Variants in YIPF1 observed in about 807,000 individuals in gnomAD.
The protein encoded by YIPF1 is protein YIPF1.
YIPF1 carries 22 observed loss-of-function variants against 37.0 expected under a neutral mutation model. That is an observed-to-expected ratio of 0.59 (90% CI 0.42 to 0.85). YIPF1 has a LOEUF of 0.85. Ranked by LOEUF, YIPF1 falls within the 40% of genes least tolerant of loss-of-function variation. The pLI is 0.00. For synonymous variants in YIPF1, 128 were observed against 131.9 expected (o/e 0.97, Z 0.21); for missense variants, 355 against 373.1 (o/e 0.95, Z 0.40).
chr1:53,877,367 T>C (rs1650361278), intron 6 of YIPF1, among the ~76,000 whole-genome samples: 1 of 152,226 alleles, frequency 6.6e-6, no homozygotes, highest in African/African-American at 2.4e-5. Context: ...TATATATCAA[T>C]GATCCTCACT....
At position 53,858,625 on chromosome 1, in the gene YIPF1, G is replaced by A. The variant is rs537228835; in HGVS notation, c.*8+1431C>T. Among the ~76,000 whole-genome samples, 6 of 152,184 alleles carry A rather than the reference G, an allele frequency of 3.9e-5. No homozygotes were observed. In the South Asian group the frequency reaches 1.2e-3, roughly 32 times the overall value. On this transcript the variant is annotated intron_variant, in intron 10 of 10. Coordinates refer to ENST00000072644, the MANE Select transcript of YIPF1 (RefSeq NM_018982.5). ...CAAGGCACATTGCTAGTACATGGTA[G>A]GGCTGGGATTTATCATTATTATTAT...
intron 3 of YIPF1, among the ~76,000 whole-genome samples, chr1:53,883,789 G>A (rs1650566977): frequency 6.6e-6 from 1 of 152,234 alleles, no homozygotes; most frequent in Non-Finnish European, 1.5e-5. Flanking sequence ...TGTAATCCCA[G>A]CACTTTGGGA....
intron 9 of YIPF1, among the ~76,000 whole-genome samples, chr1:53,862,387 G>C (rs1649906928): frequency 6.6e-6 from 1 of 152,140 alleles, no homozygotes. Context: ...CCTCAAAGCT[G>C]AATCAGCAGG....
At chr1:53,882,602 T>C (rs1209821259) in intron 4 of YIPF1, among the ~76,000 whole-genome samples, 3 of 152,080 alleles carry the variant, frequency 2.0e-5, no homozygotes, top group Non-Finnish European at 4.4e-5. Flanking sequence ...GGGCTACAGG[T>C]GTCCACCACC....
At chr1:53,869,873 T>C (rs374665273) in intron 7 of YIPF1, among the ~76,000 whole-genome samples, 2,951 of 51,438 alleles carry the variant, frequency 0.057, 106 homozygotes, top group African/African-American at 0.21. Context: ...TTCTCCCCGC[T>C]TTTTTTTTTT....
chr1:53,857,041 T>C (rs1041827390), intron 10 of YIPF1, among the ~76,000 whole-genome samples: 2 of 152,192 alleles, frequency 1.3e-5, no homozygotes, highest in African/African-American at 4.8e-5. Flanking sequence ...ATGAAGTGAG[T>C]GATCATACAG....
At chr1:53,881,234 G>A (rs1244340306) in intron 4 of YIPF1, among the ~76,000 whole-genome samples, 1 of 109,290 alleles carries the variant, frequency 9.1e-6, no homozygotes, top group African/African-American at 3.8e-5. Flanking sequence ...GACAAAGCAA[G>A]ACTCCATCTC....
chr1:53,860,241 G>A (rs912795683), intron 9 of YIPF1, 88 bp from the exon 10 acceptor site: 8 of 1,223,766 alleles, frequency 6.5e-6, no homozygotes, highest in Non-Finnish European at 8.2e-6. Context: ...CAGTACTTTT[G>A]GACTCTCACA....
chr1:53,886,222 G>A (rs1650647903), intron 3 of YIPF1, among the ~76,000 whole-genome samples: 1 of 151,886 alleles, frequency 6.6e-6, no homozygotes, highest in Admixed American at 6.6e-5. Context: ...AAGGGGATGA[G>A]CAAGACCCAG....
At chr1:53,871,968 T>C (rs1650202861) in intron 6 of YIPF1, among the ~76,000 whole-genome samples, 1 of 149,702 alleles carries the variant, frequency 6.7e-6, no homozygotes, top group South Asian at 2.2e-4. Flanking sequence ...GCAGAGTCGA[T>C]TAAACCTACC....
chr1:53,884,184 G>C (rs570335648), intron 3 of YIPF1, among the ~76,000 whole-genome samples: 7 of 141,330 alleles, frequency 5.0e-5, no homozygotes, highest in South Asian at 2.3e-4. Flanking sequence ...GCAGTGAGCC[G>C]TGATCATACC....
Position 53,852,038 on chromosome 1 carries a change from A to C in YIPF1, c.*241T>G, listed in dbSNP as rs2100713289. On this transcript the variant is annotated 3_prime_UTR_variant, in exon 11 of 11. Coordinates refer to ENST00000072644, the MANE Select transcript of YIPF1 (RefSeq NM_018982.5). ...AACCTATTCCCTGGCATTTCAGTCC[A>C]ATCAGCGCATGCTCGCAATGATCAT... 6.6e-6 allele frequency: 1 copy of C among 152,358 alleles called. No homozygotes were observed. Among genetic ancestry groups the C allele is most frequent in the South Asian group, 2.1e-4 (1 of 4,830 alleles). The allele number at this position is 152,358 out of a possible 1,614,324, so 9.4% of individuals were successfully genotyped here.
chr1:53,860,161 GA>G lies in YIPF1; in HGVS notation c.832-9del, dbSNP rs760488021. ...TGCATCAAAAAAGTATGCCTGTGGG[GA>G]AAAAAAGACCCAGGAGGGAGTTAAA... On this transcript the variant is annotated splice_polypyrimidine_tract_variant and intron_variant, in intron 9 of 10. Coordinates refer to ENST00000072644, the MANE Select transcript of YIPF1 (RefSeq NM_018982.5). The G allele has an allele frequency of 1.9e-6, 3 of 1,612,744 alleles. No individual in the cohort carries two copies. Among genetic ancestry groups the G allele is most frequent in the East Asian group, 2.2e-5 (1 of 44,850 alleles).
intron 3 of YIPF1, among the ~76,000 whole-genome samples, chr1:53,887,827 A>G (rs995691980): frequency 2.0e-5 from 3 of 152,222 alleles, no homozygotes; most frequent in African/African-American, 7.2e-5. Context: ...CTCATTAATA[A>G]AACAGGGGAA....
chr1:53,853,877 ATACT>A (rs1448808712), intron 10 of YIPF1, among the ~76,000 whole-genome samples: 15 of 152,346 alleles, frequency 9.8e-5, no homozygotes, highest in Admixed American at 5.2e-4. Flanking sequence ...TCATAAATAT[ATACT>A]CTGTTTTTCT....
intron 7 of YIPF1, 70 bp from the exon 8 acceptor site, chr1:53,866,994 C>A: frequency 2.0e-6 from 3 of 1,508,116 alleles, no homozygotes; most frequent in Non-Finnish European, 2.7e-6. Flanking sequence ...ACTTCCAACA[C>A]CTTATTGTAC....
At chr1:53,871,613 T>C in intron 6 of YIPF1, 125 bp from the exon 7 acceptor site, 1 of 795,592 alleles carries the variant, frequency 1.3e-6, no homozygotes, top group Non-Finnish European at 2.0e-6. Context: ...CTAGATGGGA[T>C]CAACACTTGC....
chr1:53,858,359 C>T (rs1649778450), intron 10 of YIPF1, among the ~76,000 whole-genome samples: 1 of 152,010 alleles, frequency 6.6e-6, no homozygotes, highest in South Asian at 2.1e-4. Context: ...AGGGAAAATC[C>T]CCATTTGTTT....
At chr1:53,875,065 GA>G (rs1650299710) in intron 6 of YIPF1, among the ~76,000 whole-genome samples, 2 of 152,190 alleles carry the variant, frequency 1.3e-5, no homozygotes, top group Admixed American at 1.3e-4. Flanking sequence ...ACCTAGGAGT[GA>G]AACTGCTGAA....
Sources: gnomAD v4.1 joint callset for allele counts (sites outside exome capture counted in the v4.1 genomes callset) on GRCh38, gnomAD v4.1.1 for gene constraint, MANE v1.5 for transcripts, NCBI Gene and HGNC (gene_info 2026-07-23, HGNC 2026-07-21) for gene names.